PCDH15: variants seen among roughly 807,000 people sequenced by gnomAD.
PCDH15 encodes the protein protocadherin-15.
A neutral mutation model predicts 178.5 loss-of-function variants in PCDH15; 129 were observed. That is an observed-to-expected ratio of 0.72 (90% confidence interval 0.63 to 0.84). The LOEUF (loss-of-function observed/expected upper bound fraction) is 0.84, where lower values mean the gene tolerates loss of function less well. PCDH15 is among the 40% of genes least tolerant of loss of function. The pLI is 0.00. For missense variants in PCDH15, 2,230 were observed against 2,099.9 expected, an observed-to-expected ratio of 1.06 and a Z score of -1.21; for synonymous variants, 800 against 732.0, an observed-to-expected ratio of 1.09 and a Z score of -1.50.
At chr10:54,555,882 T>C (rs568013076) in intron 2 of PCDH15, among the ~76,000 whole-genome samples, 106 of 152,192 alleles carry the variant, frequency 7.0e-4, no homozygotes, top group Admixed American at 2.0e-3. Context: ...GATCTACTGA[T>C]ATTGGCTGAA....
intron 1 of PCDH15, among the ~76,000 whole-genome samples, chr10:55,253,515 A>C (rs1841901948): frequency 6.6e-6 from 1 of 152,200 alleles, no homozygotes; most frequent in Non-Finnish European, 1.5e-5. Context: ...AAGCAAATAC[A>C]GGAATTGCTG....
intron 2 of PCDH15, among the ~76,000 whole-genome samples, chr10:55,447,687 G>T (rs1477511131): frequency 1.3e-5 from 2 of 151,950 alleles, no homozygotes; most frequent in Non-Finnish European, 2.9e-5. Flanking sequence ...TTAAAAAATA[G>T]TTGTGAAATA....
chr10:55,129,723 T>C (rs1003738354), intron 2 of PCDH15, among the ~76,000 whole-genome samples: 1 of 152,266 alleles, frequency 6.6e-6, no homozygotes. Context: ...ACTAATTTTA[T>C]TTATTTACTT....
At chr10:54,780,801 T>C (rs550650240) in intron 1 of PCDH15, among the ~76,000 whole-genome samples, 1 of 151,950 alleles carries the variant, frequency 6.6e-6, no homozygotes, top group East Asian at 1.9e-4. Flanking sequence ...ACAAATTACT[T>C]TGGAGATATT....
chr10:55,130,039 T>A (rs1175784118), intron 2 of PCDH15, among the ~76,000 whole-genome samples: 1 of 152,144 alleles, frequency 6.6e-6, no homozygotes, highest in Non-Finnish European at 1.5e-5. Context: ...TTTGCCATCT[T>A]TTTCAGCTGC....
At chr10:54,237,705 A>G (rs2054777634) in intron 8 of PCDH15, among the ~76,000 whole-genome samples, 1 of 152,224 alleles carries the variant, frequency 6.6e-6, no homozygotes, top group Non-Finnish European at 1.5e-5. Context: ...CTGTTGCAAT[A>G]AAACATTACA....
intron 20 of PCDH15, among the ~76,000 whole-genome samples, chr10:54,007,355 G>GA (rs2092421610): frequency 6.6e-6 from 1 of 151,150 alleles, no homozygotes. Context: ...AAATATACAA[G>GA]AAAAATATTT....
At chr10:54,201,726 T>C (rs750543584) in intron 10 of PCDH15, among the ~76,000 whole-genome samples, 5 of 130,616 alleles carry the variant, frequency 3.8e-5, no homozygotes, top group Admixed American at 8.4e-5. Context: ...TCCCATTCGA[T>C]AGATATTTAT....
At chr10:54,187,545 A>G (rs1347302496) in intron 11 of PCDH15, among the ~76,000 whole-genome samples, 1 of 151,890 alleles carries the variant, frequency 6.6e-6, no homozygotes, top group Non-Finnish European at 1.5e-5. Flanking sequence ...ACTTCCTTAT[A>G]TTGGATAAAC....
intron 2 of PCDH15, among the ~76,000 whole-genome samples, chr10:54,909,632 A>T (rs1954785852): frequency 6.6e-6 from 1 of 152,018 alleles, no homozygotes; most frequent in Non-Finnish European, 1.5e-5. Flanking sequence ...TCCCTGGCCC[A>T]TAGCTGCAGC....
intron 1 of PCDH15, among the ~76,000 whole-genome samples, chr10:55,242,643 A>G (rs920162941): frequency 5.3e-5 from 8 of 152,024 alleles, no homozygotes; most frequent in African/African-American, 1.9e-4. Flanking sequence ...GGAGTTCAAG[A>G]CCAGCTAGGG....
At chr10:55,487,722 A>C (rs527885041) in intron 2 of PCDH15, among the ~76,000 whole-genome samples, 235 of 151,728 alleles carry the variant, frequency 1.5e-3, no homozygotes, top group Non-Finnish European at 2.5e-3. Flanking sequence ...TTTTCCTATA[A>C]ATCACCAATA....
intron 2 of PCDH15, among the ~76,000 whole-genome samples, chr10:54,931,262 A>C (rs541682958): frequency 1.3e-5 from 2 of 152,286 alleles, no homozygotes; most frequent in African/African-American, 4.8e-5. Flanking sequence ...ATATTCTGTT[A>C]AACAGAAACA....
chr10:55,255,240 ATG>A (rs1841962217), intron 1 of PCDH15, among the ~76,000 whole-genome samples: 2 of 7,088 alleles, frequency 2.8e-4, no homozygotes, highest in Non-Finnish European at 2.1e-3. Context: ...GCTGAGAATG[ATG>A]ATTTCCAGCT....
chr10:55,408,003 C>T (rs1838241885), intron 2 of PCDH15, among the ~76,000 whole-genome samples: 1 of 151,922 alleles, frequency 6.6e-6, no homozygotes, highest in Non-Finnish European at 1.5e-5. Flanking sequence ...ACAGAGGCAC[C>T]AAAAATGTGC....
At chr10:54,252,022 T>C (rs1167428345) in intron 8 of PCDH15, among the ~76,000 whole-genome samples, 2 of 152,156 alleles carry the variant, frequency 1.3e-5, no homozygotes, top group African/African-American at 2.4e-5. Flanking sequence ...GTGGAATCTT[T>C]CAAGGGATTC....
At chr10:54,550,226 T>C (rs1031445392) in intron 2 of PCDH15, among the ~76,000 whole-genome samples, 31 of 152,246 alleles carry the variant, frequency 2.0e-4, no homozygotes, top group South Asian at 8.3e-4. Flanking sequence ...TCCGTGTTTT[T>C]AGGGAGTAGT....
intron 21 of PCDH15, among the ~76,000 whole-genome samples, chr10:53,992,342 C>A: frequency 6.6e-6 from 1 of 152,168 alleles, no homozygotes; most frequent in East Asian, 1.9e-4. Context: ...TCTGCGGCTT[C>A]CTTCTTGAAG....
At chr10:55,174,197 T>C (rs1017287151) in intron 1 of PCDH15, among the ~76,000 whole-genome samples, 29 of 152,296 alleles carry the variant, frequency 1.9e-4, no homozygotes, top group African/African-American at 6.0e-4. Flanking sequence ...GGAATTTAGA[T>C]GTGAAAACTA....
Sources: allele counts gnomAD v4.1 joint callset (sites outside exome capture counted in the v4.1 genomes callset), GRCh38; gene constraint gnomAD v4.1.1; transcripts MANE v1.5; gene names NCBI Gene and HGNC (gene_info 2026-07-23, HGNC 2026-07-21).